The following TAF3 variants were observed in gnomAD, a reference collection of about 807,000 sequenced individuals.
The protein encoded by TAF3 is transcription initiation factor TFIID subunit 3.
Under a neutral mutation model 80.6 loss-of-function variants are expected in TAF3, and 7 were observed. That is an observed-to-expected ratio of 0.09 (90% CI 0.05 to 0.16). The LOEUF is 0.16. Ranked by LOEUF, TAF3 falls within the 10% of genes least tolerant of loss-of-function variation. The pLI, the probability that TAF3 is intolerant of heterozygous loss-of-function variation, is 1.00. For synonymous variants in TAF3, 444 were observed against 446.1 expected, an observed-to-expected ratio of 1.00 and a Z score of 0.06; for missense variants, 921 against 1,140.2, an observed-to-expected ratio of 0.81 and a Z score of 2.77.
intron 1 of TAF3, 127 bp downstream of exon 1, chr10:7,819,002 G>A (rs1020855721): frequency 5.1e-6 from 5 of 973,140 alleles, no homozygotes; most frequent in Non-Finnish European, 5.5e-6. Flanking sequence ...CTGTTTCCTC[G>A]GCCTCCCACG....
intron 2 of TAF3, among the ~76,000 whole-genome samples, chr10:7,932,669 ATTTTTTTTTTTT>A (rs34907761): frequency 3.8e-5 from 3 of 78,810 alleles, no homozygotes; most frequent in Non-Finnish European, 6.8e-5. Flanking sequence ...GTTCCACTTA[ATTTTTTTTTTTT>A]TTTTTTTTTT....
chr10:7,880,676 A>G (rs893137924), intron 2 of TAF3, among the ~76,000 whole-genome samples: 1 of 152,076 alleles, frequency 6.6e-6, no homozygotes, highest in African/African-American at 2.4e-5. Context: ...GTATCTTTCC[A>G]TGCCTTTAAG....
chr10:7,934,604 C>T (rs1243137018), intron 2 of TAF3, among the ~76,000 whole-genome samples: 1 of 152,066 alleles, frequency 6.6e-6, no homozygotes, highest in African/African-American at 2.4e-5. Flanking sequence ...GCCACCACGC[C>T]TGGCTAATTT....
At chr10:7,852,130 G>A (rs1019601298) in intron 2 of TAF3, among the ~76,000 whole-genome samples, 10 of 152,066 alleles carry the variant, frequency 6.6e-5, no homozygotes, top group African/African-American at 2.4e-4. Context: ...TGTTGCCCAG[G>A]CTGGAGTGCA....
At chr10:8,012,197 TA>T (rs1264323718) in intron 5 of TAF3, among the ~76,000 whole-genome samples, 2 of 151,896 alleles carry the variant, frequency 1.3e-5, no homozygotes, top group African/African-American at 4.8e-5. Context: ...AATGAAAATT[TA>T]AAAAAAGCTT....
At chr10:7,841,154 A>G (rs1836909137) in intron 2 of TAF3, among the ~76,000 whole-genome samples, 1 of 152,174 alleles carries the variant, frequency 6.6e-6, no homozygotes, top group Non-Finnish European at 1.5e-5. Flanking sequence ...CCCGGCCTAG[A>G]GCTTTCCTAT....
intron 4 of TAF3, among the ~76,000 whole-genome samples, chr10:7,983,791 A>G (rs114128996): frequency 0.013 from 2,054 of 152,256 alleles, 60 homozygotes; most frequent in African/African-American, 0.046. Flanking sequence ...GTGAGCTGTC[A>G]TTGCACTGCT....
At chr10:7,902,049 G>A (rs1015487653) in intron 2 of TAF3, among the ~76,000 whole-genome samples, 2 of 152,016 alleles carry the variant, frequency 1.3e-5, no homozygotes, top group Non-Finnish European at 2.9e-5. Flanking sequence ...CCCCACGTTC[G>A]TCAGTGTGTG....
chr10:7,890,158 A>G (rs1837445113), intron 2 of TAF3, among the ~76,000 whole-genome samples: 1 of 152,194 alleles, frequency 6.6e-6, no homozygotes, highest in African/African-American at 2.4e-5. Context: ...CTTTTTCACC[A>G]GACTGCAGCC....
chr10:7,949,498 T>G (rs1343129769), intron 2 of TAF3, among the ~76,000 whole-genome samples: 2 of 152,252 alleles, frequency 1.3e-5, no homozygotes, highest in Non-Finnish European at 2.9e-5. Context: ...TCGCATTATG[T>G]AAGTCCTCCC....
At chr10:7,993,904 T>TTA (rs71385686) in intron 4 of TAF3, among the ~76,000 whole-genome samples, 1 of 144,538 alleles carries the variant, frequency 6.9e-6, no homozygotes, top group African/African-American at 2.6e-5. Flanking sequence ...TTTTTTTTTT[T>TTA]ACTTGCCAGT....
At chr10:7,829,717 G>T (rs1264046323) in intron 2 of TAF3, among the ~76,000 whole-genome samples, 1 of 152,096 alleles carries the variant, frequency 6.6e-6, no homozygotes, top group African/African-American at 2.4e-5. Context: ...TGTTTATCTG[G>T]TTTCTTCACA....
chr10:7,833,911 G>T (rs75489070), intron 2 of TAF3: 6 of 654,248 alleles, frequency 9.2e-6, no homozygotes, highest in African/African-American at 1.9e-5. Context: ...TGCACAGTGC[G>T]TGTGGAAGTG....
intron 1 of TAF3, among the ~76,000 whole-genome samples, chr10:7,823,695 C>G (rs1288477271): frequency 6.8e-6 from 1 of 147,382 alleles, no homozygotes; most frequent in Non-Finnish European, 1.5e-5. Flanking sequence ...AGTGTAGTGG[C>G]ACGATCTCGG....
intron 2 of TAF3, among the ~76,000 whole-genome samples, chr10:7,899,467 TG>T (rs1338239737): frequency 2.0e-5 from 3 of 152,220 alleles, no homozygotes; most frequent in Admixed American, 6.5e-5. Context: ...CTTACACATT[TG>T]CATTTCTCTT....
Position 7,964,971 on chromosome 10 carries a change from CAACTTTCCT to C in TAF3, c.1462_1470del (p.Asn488_Pro490del). 6.2e-7 allele frequency: 1 copy of C among 1,614,136 alleles called. No individual in the cohort carries two copies. Among genetic ancestry groups the C allele is most frequent in the Admixed American group, 1.7e-5 (1 of 60,024 alleles). On this transcript the variant is annotated inframe_deletion, in exon 3 of 7. Coordinates refer to ENST00000344293, the MANE Select transcript of TAF3 (RefSeq NM_031923.4). This position sits in a 1 kb window ranked among gnomAD's most constrained non-coding sequence, Gnocchi z 4.1. Reference sequence around the variant, plus strand: ...TGGGAACACCTTCAAATATGCCCCCCAACTTTCCTTATATCTCTTCTCCGTCAGTGTCTC... The same window carrying C: ...TGGGAACACCTTCAAATATGCCCCCCTATATCTCTTCTCCGTCAGTGTCTC...
chr10:7,964,469 G>A lies in TAF3; in HGVS notation c.959G>A (p.Ser320Asn). Residue 320 changes from serine to asparagine, a missense_variant, in exon 3 of 7, where the codon AGT (serine) becomes AAT (asparagine). Physicochemically the swap from Ser to Asn is conservative, Grantham distance 46 (BLOSUM62 1). This residue lies in a region of TAF3 where 743 missense variants were observed against 821.0 expected (regional missense o/e 0.90). Coordinates refer to ENST00000344293, the MANE Select transcript of TAF3 (RefSeq NM_031923.4). The surrounding 1 kb of genome is among the most constrained non-coding windows in gnomAD (Gnocchi z 4.1). ...KSPGRSKSPK[S>N]PKSPKVTTHI... ...CCTGGACGTTCCAAGAGCCCCAAGA[G>A]TCCCAAGAGCCCCAAGGTCACGACT... 6.2e-7 allele frequency: 1 copy of A among 1,613,618 alleles called. No homozygotes were observed. Among genetic ancestry groups the A allele is most frequent in the Non-Finnish European group, 8.5e-7 (1 of 1,179,898 alleles).
intron 2 of TAF3, among the ~76,000 whole-genome samples, chr10:7,849,144 C>A (rs1170968964): frequency 6.6e-6 from 1 of 152,178 alleles, no homozygotes; most frequent in Admixed American, 6.5e-5. Flanking sequence ...ATTGAATCCT[C>A]ATAATAATCC....
intron 2 of TAF3, among the ~76,000 whole-genome samples, chr10:7,890,922 C>T (rs1837452147): frequency 1.3e-5 from 2 of 152,162 alleles, no homozygotes; most frequent in African/African-American, 4.8e-5. Flanking sequence ...AACACAATTA[C>T]AGTAACAAGT....
Sources: gnomAD v4.1 joint callset for allele counts (sites outside exome capture counted in the v4.1 genomes callset) on GRCh38, gnomAD v4.1.1 for gene constraint, gnomAD v4.1.1 regional missense constraint, Gnocchi (gnomAD v3.1) non-coding constraint, MANE v1.5 for transcripts, NCBI Gene and HGNC (gene_info 2026-07-23, HGNC 2026-07-21) for gene names.